GRIA1: variants seen among roughly 807,000 people sequenced by gnomAD.
GRIA1 encodes the protein glutamate receptor 1.
In GRIA1, 31 loss-of-function variants were observed where a neutral mutation model predicts 99.2. The observed-to-expected ratio is 0.31, with a 90% CI of 0.23 to 0.42. The LOEUF is 0.42. GRIA1 is among the 10% of genes least tolerant of loss of function. The pLI is 1.00. For synonymous variants in GRIA1, 438 were observed against 432.4 expected, an observed-to-expected ratio of 1.01 and a Z score of -0.16; for missense variants, 782 against 1,157.5, an observed-to-expected ratio of 0.68 and a Z score of 4.71.
At chr5:153,593,356 T>C (rs1008865666) in intron 2 of GRIA1, among the ~76,000 whole-genome samples, 3 of 152,222 alleles carry the variant, frequency 2.0e-5, no homozygotes, top group African/African-American at 4.8e-5. Flanking sequence ...TTTCAACTTA[T>C]GAATTTGTGT....
intron 13 of GRIA1, among the ~76,000 whole-genome samples, chr5:153,773,697 A>T (rs1300620707): frequency 2.0e-5 from 3 of 152,214 alleles, no homozygotes; most frequent in African/African-American, 7.2e-5. Context: ...AAAGAAAAGG[A>T]GAGAGAAATG....
intron 15 of GRIA1, among the ~76,000 whole-genome samples, chr5:153,806,127 G>GT (rs1766408881): frequency 6.6e-6 from 1 of 152,156 alleles, no homozygotes; most frequent in Admixed American, 6.5e-5. Context: ...AAAGCAATTA[G>GT]TTCTTTTCAG....
chr5:153,537,932 C>A (rs145579074), intron 2 of GRIA1, among the ~76,000 whole-genome samples: 4 of 151,956 alleles, frequency 2.6e-5, no homozygotes, highest in Non-Finnish European at 5.9e-5. Flanking sequence ...TGTGATTAGA[C>A]GAAAGGGAAA....
chr5:153,716,919 C>T (rs78218192), intron 11 of GRIA1, among the ~76,000 whole-genome samples: 2,688 of 152,286 alleles, frequency 0.018, 73 homozygotes, highest in African/African-American at 0.061. Flanking sequence ...TAAGGACATT[C>T]GTTTCACTGT....
rs975313325 is a variant in GRIA1, at chr5:153,650,233, T to C, written c.461-97T>C. 9.9e-6 allele frequency: 10 copies of C among 1,012,540 alleles called. No homozygotes were observed. The East Asian group carries it at 1.7e-4, about 18-fold the overall frequency. The allele number at this position is 1,012,540 out of a possible 1,614,324, so 62.7% of individuals were successfully genotyped here. A position where few individuals can be genotyped will look rare whatever the true frequency, so the allele number is the denominator to read the frequency against. ...AACTGAGTTTGGCAGAAGAGTGGGT[T>C]TGGGGGTAGCCAGGGGAGGTAGGTG... On this transcript the variant is annotated intron_variant, in intron 3 of 15. Transcript: ENST00000285900.
At chr5:153,671,585 C>T (rs187103105) in intron 5 of GRIA1, among the ~76,000 whole-genome samples, 3 of 152,248 alleles carry the variant, frequency 2.0e-5, no homozygotes, top group Admixed American at 6.5e-5. Flanking sequence ...CTGTGGAACA[C>T]GTTAAACTCA....
At chr5:153,544,269 G>A (rs1257894765) in intron 2 of GRIA1, among the ~76,000 whole-genome samples, 1 of 152,192 alleles carries the variant, frequency 6.6e-6, no homozygotes, top group Non-Finnish European at 1.5e-5. Flanking sequence ...CAGTCAAGGT[G>A]TGATGTCCCA....
chr5:153,715,309 AGTGACTTTT>A (rs1759594933), intron 11 of GRIA1, among the ~76,000 whole-genome samples: 1 of 151,714 alleles, frequency 6.6e-6, no homozygotes, highest in Admixed American at 6.6e-5. Flanking sequence ...CTCTGCTTGG[AGTGACTTTT>A]CCCACCTTTC....
At chr5:153,592,252 G>A (rs1311421700) in intron 2 of GRIA1, among the ~76,000 whole-genome samples, 1 of 152,234 alleles carries the variant, frequency 6.6e-6, no homozygotes, top group Non-Finnish European at 1.5e-5. Context: ...AGGTCAGAGA[G>A]TGTCCCTGAA....
rs559095259 is a variant in GRIA1, at chr5:153,691,702, C to T, written c.1134+5373C>T. The stretch of plus-strand genomic sequence containing the variant: ...ATCATGTTATAGCATCAGATATAGA[C>T]ATAGCATCTCAGATATAGCCTAAAC... On this transcript the variant is annotated intron_variant, in intron 8 of 15. Transcript: ENST00000285900. Among the ~76,000 whole-genome samples, 12 of 152,302 alleles carry T rather than the reference C, an allele frequency of 7.9e-5. No homozygotes were observed. The South Asian group carries it at 1.7e-3, about 21-fold the overall frequency.
chr5:153,650,626 G>A lies in GRIA1; in HGVS notation c.645+112G>A, dbSNP rs569820626. ...GGGTTATAAAGAGGGTTCTTGACTA[G>A]GTGAGACTAAAAGACCTCTATCTCA... On this transcript the variant is annotated intron_variant, in intron 4 of 15. Transcript: ENST00000285900. 4 of 962,948 alleles carry A rather than the reference G, an allele frequency of 4.2e-6. No homozygotes were observed. In the South Asian group the frequency reaches 7.2e-5, roughly 17 times the overall value. 59.7% of individuals were successfully genotyped at this position (962,948 alleles called of 1,614,324 possible). A position where few individuals can be genotyped will look rare whatever the true frequency, so the allele number is the denominator to read the frequency against.
At chr5:153,687,027 G>A (rs1757388688) in intron 8 of GRIA1, among the ~76,000 whole-genome samples, 2 of 149,756 alleles carry the variant, frequency 1.3e-5, no homozygotes, top group African/African-American at 2.5e-5. Flanking sequence ...CCTCTGCCTG[G>A]GACTTCCTCC....
rs1357664598 is a variant in GRIA1 at position 153,626,438 on chromosome 5, G to GTGTGTA, written c.221-20485_221-20484insATGTGT. 3.7e-3 allele frequency among the ~76,000 whole-genome samples: 431 copies of GTGTGTA among 117,144 alleles called. 4 individuals carry two copies. The highest frequency in any genetic ancestry group is 6.2e-3 in the Non-Finnish European group (346 of 55,922). The allele number at this position is 117,144 out of a possible 152,430, so 76.9% of individuals were successfully genotyped here. A position where few individuals can be genotyped will look rare whatever the true frequency, so the allele number is the denominator to read the frequency against. On this transcript the variant is annotated intron_variant, in intron 2 of 15. Transcript: ENST00000285900. ...AATGACAAATCTAGTCTCTGTGTGT[G>GTGTGTA]TGTGTCTGTGTGTGTGTGTGTGTGT... is the stretch of plus-strand genomic sequence containing the variant.
At chr5:153,528,571 A>G (rs1757818909) in intron 2 of GRIA1, among the ~76,000 whole-genome samples, 1 of 152,200 alleles carries the variant, frequency 6.6e-6, no homozygotes, top group Admixed American at 6.5e-5. Context: ...ATTTCTACCA[A>G]GTTCCAGGTG....
Position 153,638,682 on chromosome 5 carries a change from C to T in GRIA1, c.221-8246C>T, listed in dbSNP as rs145396129. 2.9e-3 allele frequency among the ~76,000 whole-genome samples: 437 copies of T among 152,330 alleles called. 3 individuals are homozygous for T. Among genetic ancestry groups the T allele is most frequent in the African/African-American group, 1.0e-2 (415 of 41,568 alleles). On this transcript the variant is annotated intron_variant, in intron 2 of 15. Transcript: ENST00000285900. ...GCTGCAATTTCTGTCTTATATGAGGCACTTTTTCAGCTGGGGCTTCCTCAT... is the reference window on the plus strand; with the variant it reads ...GCTGCAATTTCTGTCTTATATGAGGTACTTTTTCAGCTGGGGCTTCCTCAT...
At position 153,676,978 on chromosome 5, in the gene GRIA1, C is replaced by A; in HGVS notation, c.862-16C>A. 1 of 1,382,534 alleles carries A rather than the reference C, an allele frequency of 7.2e-7. No homozygotes were observed. Among genetic ancestry groups the A allele is most frequent in the Non-Finnish European group, 9.5e-7 (1 of 1,055,926 alleles). 85.6% of individuals were successfully genotyped at this position (1,382,534 alleles called of 1,614,324 possible). A position where few individuals can be genotyped will look rare whatever the true frequency, so the allele number is the denominator to read the frequency against. On this transcript the variant is annotated splice_polypyrimidine_tract_variant and intron_variant, in intron 6 of 15. Transcript: ENST00000285900. ...AGCTCTCTTTGATACCTAACTGTCT[C>A]CATTCCTCCCACTAGTACACCTCTG...
chr5:153,618,030 G>A (rs1363757739), intron 2 of GRIA1, among the ~76,000 whole-genome samples: 2 of 152,204 alleles, frequency 1.3e-5, no homozygotes, highest in African/African-American at 4.8e-5. Context: ...TAACAACTGG[G>A]AAATAGCATA....
intron 15 of GRIA1, among the ~76,000 whole-genome samples, chr5:153,806,423 A>T (rs1297121950): frequency 6.6e-6 from 1 of 151,940 alleles, no homozygotes; most frequent in Non-Finnish European, 1.5e-5. Context: ...GTGCCACTAC[A>T]CCTGGCTAAT....
chr5:153,655,892 C>G lies in GRIA1; in HGVS notation c.699+20C>G. On this transcript the variant is annotated intron_variant, in intron 5 of 15. Coordinates refer to ENST00000285900, the MANE Select transcript of GRIA1 (RefSeq NM_000827.4). ...AATCTGGTGAGTAGAGCACTGCAGG[C>G]TCTCAGCTCAAGTCCTTTCCAGGTT... 2 of 1,609,852 alleles carry G rather than the reference C, an allele frequency of 1.2e-6. No homozygotes were observed. Among genetic ancestry groups the G allele is most frequent in the Non-Finnish European group, 1.7e-6 (2 of 1,176,406 alleles).
Sources: allele counts gnomAD v4.1 joint callset (sites outside exome capture counted in the v4.1 genomes callset), GRCh38; gene constraint gnomAD v4.1.1; transcripts MANE v1.5; gene names NCBI Gene and HGNC (gene_info 2026-07-23, HGNC 2026-07-21).